Variants in TMEM144 observed in about 807,000 individuals in gnomAD.
TMEM144 encodes transmembrane protein 144.
A neutral mutation model predicts 43.6 loss-of-function variants in TMEM144; 39 were observed. The observed-to-expected ratio is 0.90, with a 90% CI of 0.69 to 1.17. TMEM144 has a LOEUF of 1.17. TMEM144 is among the 50% of genes most tolerant of loss of function. The pLI, the probability that TMEM144 is intolerant of heterozygous loss-of-function variation, is 0.00. For missense variants in TMEM144, 417 were observed against 411.9 expected (o/e 1.01, Z -0.11); for synonymous variants, 154 against 133.6 (o/e 1.15, Z -1.06).
At position 158,253,856 on chromosome 4, in the gene TMEM144, A is replaced by C. The variant is rs1579166656; in HGVS notation, c.*329A>C. 2 of 238,970 alleles carry C rather than the reference A, an allele frequency of 8.4e-6. No individual in the cohort carries two copies. Among genetic ancestry groups the C allele is most frequent in the East Asian group, 2.2e-4 (2 of 9,166 alleles). The allele number at this position is 238,970 out of a possible 1,614,324, so 14.8% of individuals were successfully genotyped here. A position where few individuals can be genotyped will look rare whatever the true frequency, so the allele number is the denominator to read the frequency against. The stretch of plus-strand genomic sequence containing the variant: ...CCTAGTGTTGCATAATCTAGAACAC[A>C]GTATAGAGTCCATATACAAAGAAGT... On this transcript the variant is annotated 3_prime_UTR_variant, in exon 13 of 13. Coordinates refer to ENST00000296529, the MANE Select transcript of TMEM144 (RefSeq NM_018342.5).
intron 12 of TMEM144, among the ~76,000 whole-genome samples, chr4:158,247,028 C>T (rs997771705): frequency 2.6e-5 from 4 of 151,796 alleles, no homozygotes; most frequent in African/African-American, 9.7e-5. Flanking sequence ...TTTAAAAAGA[C>T]ACATCAGACT....
intron 11 of TMEM144, among the ~76,000 whole-genome samples, chr4:158,243,682 T>A (rs1340211513): frequency 6.6e-6 from 1 of 152,204 alleles, no homozygotes; most frequent in Admixed American, 6.5e-5. Flanking sequence ...ATTTCATTCT[T>A]TTCTTTGTCT....
At chr4:158,234,858 T>C (rs1735262301) in intron 7 of TMEM144, 1 of 152,590 alleles carries the variant, frequency 6.6e-6, no homozygotes, top group Non-Finnish European at 1.5e-5. Flanking sequence ...TTTCCAGAAT[T>C]TTTCATTTAA....
intron 6 of TMEM144, among the ~76,000 whole-genome samples, chr4:158,229,508 C>T (rs571061291): frequency 8.9e-4 from 136 of 152,052 alleles, no homozygotes; most frequent in Non-Finnish European, 1.2e-3. Flanking sequence ...TTTAAGGCAG[C>T]ACTTTGACTG....
chr4:158,213,282 T>A (rs1267095902), intron 3 of TMEM144: 1 of 155,852 alleles, frequency 6.4e-6, no homozygotes, highest in African/African-American at 2.4e-5. Flanking sequence ...GTTCATCACA[T>A]GTGGTTATGA....
chr4:158,211,766 C>T (rs922575881), intron 2 of TMEM144, 192 bp downstream of exon 2: 4 of 152,180 alleles, frequency 2.6e-5, no homozygotes, highest in African/African-American at 9.7e-5. Flanking sequence ...TTCAAATACA[C>T]ATTTTCTTTA....
chr4:158,212,893 A>G (rs1734031829), intron 3 of TMEM144, 117 bp downstream of exon 3: 4 of 824,282 alleles, frequency 4.9e-6, no homozygotes, highest in Middle Eastern at 6.7e-4. Context: ...TACCTAGTGA[A>G]TAGAGCTTAA....
intron 3 of TMEM144, chr4:158,214,045 T>G (rs1198845050): frequency 6.6e-6 from 1 of 152,150 alleles, no homozygotes; most frequent in Non-Finnish European, 1.5e-5. Flanking sequence ...TTATTTTTCA[T>G]TTTTTTGGGG....
rs1263095977 is a variant in TMEM144, at chr4:158,215,231, G to T, written c.150G>T (p.Leu50Phe). Residue 50 changes from leucine (L) to phenylalanine (F), a missense_variant, in exon 4 of 13, where the codon TTG (leucine) becomes TTT (phenylalanine). By Grantham distance (22) the Leu-to-Phe change is conservative. Coordinates refer to ENST00000296529, the MANE Select transcript of TMEM144 (RefSeq NM_018342.5). ...LQWVLCAAIWLVALVVNLILH... is the reference protein window; with the variant it reads ...LQWVLCAAIWFVALVVNLILH... ...GGGTTCTTTGTGCTGCCATATGGTT[G>T]GTTGCCTTGGTTGTCAATCTGATAT... 6.2e-7 allele frequency: 1 copy of T among 1,613,812 alleles called. No homozygotes were observed. The highest frequency in any genetic ancestry group is 8.5e-7 in the Non-Finnish European group (1 of 1,179,796).
intron 6 of TMEM144, among the ~76,000 whole-genome samples, chr4:158,228,125 CCAAGT>C (rs1470472386): frequency 6.6e-6 from 1 of 152,184 alleles, no homozygotes; most frequent in African/African-American, 2.4e-5. Flanking sequence ...ATCAAGCAAT[CCAAGT>C]CAAGTCAAAA....
At chr4:158,238,587 G>T (rs1420618171) in intron 9 of TMEM144, among the ~76,000 whole-genome samples, 1 of 152,004 alleles carries the variant, frequency 6.6e-6, no homozygotes, top group African/African-American at 2.4e-5. Context: ...TTAAAACAAG[G>T]TCTCACTAAA....
intron 6 of TMEM144, among the ~76,000 whole-genome samples, chr4:158,231,985 A>G (rs1735103743): frequency 6.6e-6 from 1 of 152,222 alleles, no homozygotes. Context: ...TACCTACCCT[A>G]TTTCAGTGTC....
At chr4:158,230,328 G>A (rs987096239) in intron 6 of TMEM144, among the ~76,000 whole-genome samples, 2 of 152,164 alleles carry the variant, frequency 1.3e-5, no homozygotes, top group Non-Finnish European at 2.9e-5. Context: ...GTTCTGATGA[G>A]AGAATCTGGA....
At chr4:158,243,267 A>C (rs889796727) in intron 11 of TMEM144, among the ~76,000 whole-genome samples, 6 of 152,192 alleles carry the variant, frequency 3.9e-5, no homozygotes, top group Non-Finnish European at 2.9e-5. Context: ...AACTTACATC[A>C]TTGATAAAAG....
rs369269537 is a variant in TMEM144 at position 158,226,687 on chromosome 4, C to T, written c.414-6214C>T. 3.3e-5 allele frequency among the ~76,000 whole-genome samples: 5 copies of T among 152,166 alleles called. No homozygotes were observed. The East Asian group carries it at 7.7e-4, about 23-fold the overall frequency. On this transcript the variant is annotated intron_variant, in intron 6 of 12. Transcript: ENST00000296529. ...GAGGCCTAGCTACTTTTAAATTATA[C>T]AACATTTCTTGCATAAATTCTTTTT... is the stretch of plus-strand genomic sequence containing the variant.
chr4:158,215,433 A>C (rs1298521773), intron 4 of TMEM144, 120 bp downstream of exon 4: 3 of 1,228,480 alleles, frequency 2.4e-6, no homozygotes, highest in Non-Finnish European at 3.2e-6. Context: ...CATAGATACT[A>C]GAAATTAACT....
intron 6 of TMEM144, among the ~76,000 whole-genome samples, chr4:158,232,388 T>C (rs903457428): frequency 3.9e-5 from 6 of 152,244 alleles, no homozygotes; most frequent in Admixed American, 1.3e-4. Flanking sequence ...AGTTTGAGTG[T>C]ACCTGTGTGA....
intron 12 of TMEM144, among the ~76,000 whole-genome samples, chr4:158,250,132 G>A (rs1031770377): frequency 6.7e-6 from 1 of 149,026 alleles, no homozygotes; most frequent in Non-Finnish European, 1.5e-5. Context: ...GTTGAAGAAA[G>A]GGAACATATA....
chr4:158,244,430 G>A (rs1735785303), intron 12 of TMEM144, 81 bp downstream of exon 12: 1 of 1,132,880 alleles, frequency 8.8e-7, no homozygotes, highest in Non-Finnish European at 1.3e-6. Flanking sequence ...CTGGCACTTT[G>A]GGAGGCCGAG....
Sources: gnomAD v4.1 joint callset for allele counts (sites outside exome capture counted in the v4.1 genomes callset) on GRCh38, gnomAD v4.1.1 for gene constraint, MANE v1.5 for transcripts, NCBI Gene and HGNC (gene_info 2026-07-23, HGNC 2026-07-21) for gene names.